The following PMFBP1 variants were observed in gnomAD, a reference collection of about 807,000 sequenced individuals.
PMFBP1 encodes polyamine-modulated factor 1-binding protein 1.
In PMFBP1, 131 loss-of-function variants were observed where a neutral mutation model predicts 137.8. The ratio of observed to expected loss-of-function variants is 0.95; its 90% confidence interval spans 0.82 to 1.10. The LOEUF (loss-of-function observed/expected upper bound fraction) is 1.10. Among genes scored for constraint, PMFBP1 ranks in the 50% least tolerant of loss-of-function variants. The pLI is 0.00. For synonymous variants in PMFBP1, 490 were observed against 450.4 expected (o/e 1.09, Z -1.11); for missense variants, 1,199 against 1,175.4 (o/e 1.02, Z -0.29).
the PMFBP1 span, among the ~76,000 whole-genome samples, chr16:72,199,474 T>C: frequency 6.6e-6 from 1 of 152,082 alleles, no homozygotes; most frequent in South Asian, 2.1e-4. Context: ...GCTAACATGG[T>C]GAAACCCTGT....
At chr16:72,214,155 T>C in the PMFBP1 span, among the ~76,000 whole-genome samples, 1 of 151,972 alleles carries the variant, frequency 6.6e-6, no homozygotes, top group African/African-American at 2.4e-5. Flanking sequence ...ACTAGGACAG[T>C]ACATGGGGGA....
intron 20 of PMFBP1, 150 bp from the exon 21 acceptor site, chr16:72,119,504 C>G (rs971779066): frequency 6.6e-7 from 1 of 1,523,310 alleles, no homozygotes; most frequent in Admixed American, 2.2e-5. Flanking sequence ...GCAGGAAAGG[C>G]GGCTGTGGAC....
At chr16:72,192,513 C>G in the PMFBP1 span, among the ~76,000 whole-genome samples, 1 of 151,986 alleles carries the variant, frequency 6.6e-6, no homozygotes. Flanking sequence ...TAAAAAAATA[C>G]AATGGGCCAA....
the PMFBP1 span, among the ~76,000 whole-genome samples, chr16:72,191,170 C>T: frequency 1.3e-5 from 2 of 152,178 alleles, no homozygotes; most frequent in African/African-American, 4.8e-5. Flanking sequence ...CTTTCTGCCC[C>T]TATATTCCTG....
Position 72,150,605 on chromosome 16 carries a change from T to C in PMFBP1, c.636+3A>G. On this transcript the variant is annotated splice_donor_region_variant and intron_variant, in intron 5 of 20. Coordinates refer to ENST00000237353, the MANE Select transcript of PMFBP1 (RefSeq NM_031293.3). ...GGATTGAATGGCCTGACTTAAGTCCTACCTGACCCATGATCCCGCCGAGTT... is the reference window on the plus strand; with the variant it reads ...GGATTGAATGGCCTGACTTAAGTCCCACCTGACCCATGATCCCGCCGAGTT... 1.2e-6 allele frequency: 2 copies of C among 1,612,412 alleles called. No individual in the cohort carries two copies. The highest frequency in any genetic ancestry group is 1.7e-6 in the Non-Finnish European group (2 of 1,179,868).
chr16:72,190,608 G>T, the PMFBP1 span, among the ~76,000 whole-genome samples: 1 of 152,236 alleles, frequency 6.6e-6, no homozygotes, highest in Admixed American at 6.5e-5. Context: ...AAATGGGATG[G>T]AAGGAAAGAG....
the PMFBP1 span, among the ~76,000 whole-genome samples, chr16:72,206,967 G>A: frequency 6.6e-6 from 1 of 152,076 alleles, no homozygotes; most frequent in East Asian, 1.9e-4. Flanking sequence ...AGGAATACAA[G>A]CTTTCTGAGG....
upstream of PMFBP1, among the ~76,000 whole-genome samples, chr16:72,173,100 G>A (rs1013922622): frequency 6.6e-6 from 1 of 152,228 alleles, no homozygotes; most frequent in African/African-American, 2.4e-5. Flanking sequence ...CACCTCACTG[G>A]AGGAGTGGCC....
chr16:72,148,198 G>C (rs986017542), intron 5 of PMFBP1, among the ~76,000 whole-genome samples: 10 of 152,224 alleles, frequency 6.6e-5, no homozygotes, highest in South Asian at 2.1e-4. Context: ...CCATAAAAAA[G>C]GATGAGTTCA....
chr16:72,175,724 C>T (rs568528098), upstream of PMFBP1, among the ~76,000 whole-genome samples: 1 of 152,282 alleles, frequency 6.6e-6, no homozygotes, highest in East Asian at 1.9e-4. Flanking sequence ...TAAGTCTTTC[C>T]TTTACTTATG....
intron 9 of PMFBP1, among the ~76,000 whole-genome samples, chr16:72,135,696 C>T (rs1173399253): frequency 6.8e-6 from 1 of 147,012 alleles, no homozygotes; most frequent in East Asian, 2.0e-4. Flanking sequence ...TTAATATTTT[C>T]AAACTGCCTA....
the PMFBP1 span, among the ~76,000 whole-genome samples, chr16:72,231,461 T>C: frequency 2.0e-5 from 3 of 152,134 alleles, no homozygotes; most frequent in African/African-American, 7.2e-5. Context: ...GTTTCCCATG[T>C]TTAGAGAAAA....
At chr16:72,180,636 AT>A (rs148930185), upstream of PMFBP1, among the ~76,000 whole-genome samples, 3 of 151,522 alleles carry the variant, frequency 2.0e-5, no homozygotes, top group South Asian at 2.1e-4. Context: ...AGCCAAGGAG[AT>A]TTTTTCCCCT....
At chr16:72,124,647 T>G (rs1175001192) in intron 17 of PMFBP1, 120 bp downstream of exon 17, 1 of 1,224,258 alleles carries the variant, frequency 8.2e-7, no homozygotes, top group East Asian at 2.4e-5. Flanking sequence ...ATGGAGGGGG[T>G]GACCTTTCCT....
At chr16:72,126,759 G>C (rs901859552) in intron 14 of PMFBP1, among the ~76,000 whole-genome samples, 1 of 152,216 alleles carries the variant, frequency 6.6e-6, no homozygotes, top group Non-Finnish European at 1.5e-5. Flanking sequence ...ACTGAAGTCT[G>C]TTTTCAACAT....
At chr16:72,235,282 C>T in the PMFBP1 span, among the ~76,000 whole-genome samples, 4 of 152,004 alleles carry the variant, frequency 2.6e-5, no homozygotes, top group African/African-American at 9.7e-5. Context: ...CTATTCTTTC[C>T]TCATTGAATT....
chr16:72,140,701 A>G (rs2042705833), intron 5 of PMFBP1, 119 bp from the exon 6 acceptor site: 1 of 962,826 alleles, frequency 1.0e-6, no homozygotes, highest in Non-Finnish European at 1.5e-6. Flanking sequence ...ATATATGGAA[A>G]TCATGGTTTC....
chr16:72,235,439 A>AT, the PMFBP1 span, among the ~76,000 whole-genome samples: 1 of 151,718 alleles, frequency 6.6e-6, no homozygotes, highest in Non-Finnish European at 1.5e-5. Flanking sequence ...TAGTTTGGAA[A>AT]TAAGAAAGTG....
chr16:72,212,179 T>G, the PMFBP1 span, among the ~76,000 whole-genome samples: 1 of 152,184 alleles, frequency 6.6e-6, no homozygotes, highest in Admixed American at 6.5e-5. Flanking sequence ...CTATCACTTT[T>G]ATCATATTTT....
Sources: allele counts gnomAD v4.1 joint callset (sites outside exome capture counted in the v4.1 genomes callset), GRCh38; gene constraint gnomAD v4.1.1; transcripts MANE v1.5; gene names NCBI Gene and HGNC (gene_info 2026-07-23, HGNC 2026-07-21).